Variants in KLF12 observed in about 807,000 individuals in gnomAD.
The protein encoded by KLF12 is Krueppel-like factor 12.
In KLF12, 9 loss-of-function variants were observed where a neutral mutation model predicts 37.8. The observed-to-expected ratio is 0.24, with a 90% CI of 0.14 to 0.42. The LOEUF is 0.42. KLF12 is among the 10% of genes least tolerant of loss of function. KLF12 has a pLI of 1.00. For missense variants in KLF12, 411 were observed against 516.0 expected, an observed-to-expected ratio of 0.80 and a Z score of 1.97; for synonymous variants, 208 against 202.1, an observed-to-expected ratio of 1.03 and a Z score of -0.25.
At chr13:74,142,067 TA>T in the KLF12 span, among the ~76,000 whole-genome samples, 3 of 152,262 alleles carry the variant, frequency 2.0e-5, no homozygotes, top group African/African-American at 4.8e-5. Context: ...TGATGTTTCT[TA>T]ACTATATTTT....
the KLF12 span, among the ~76,000 whole-genome samples, chr13:74,209,898 C>A: frequency 2.0e-5 from 3 of 152,164 alleles, no homozygotes; most frequent in Non-Finnish European, 4.4e-5. Flanking sequence ...AGATAAGAAT[C>A]AGGCTATAAA....
In KLF12 at chr13:73,876,070, T is replaced by G. The variant is rs562118209; in HGVS notation, c.124-29697A>C. On this transcript the variant is annotated intron_variant, in intron 3 of 7. Coordinates refer to ENST00000377669, the MANE Select transcript of KLF12 (RefSeq NM_007249.5). ...ATAAATTACTGCAAACATACTGACTTAAAACAAGACAATGTATTATTCTCA... is the reference window on the plus strand; with the variant it reads ...ATAAATTACTGCAAACATACTGACTGAAAACAAGACAATGTATTATTCTCA... 5.3e-5 allele frequency among the ~76,000 whole-genome samples: 8 copies of G among 152,112 alleles called. No individual in the cohort carries two copies. The South Asian group carries it at 1.4e-3, about 28-fold the overall frequency.
the KLF12 span, among the ~76,000 whole-genome samples, chr13:74,196,631 C>T: frequency 0.017 from 2,630 of 152,216 alleles, 61 homozygotes; most frequent in African/African-American, 0.057. Context: ...AGTTTCTGCT[C>T]CACTGGCTTC....
At chr13:73,909,156 G>A (rs894803487) in intron 3 of KLF12, among the ~76,000 whole-genome samples, 3 of 152,098 alleles carry the variant, frequency 2.0e-5, no homozygotes, top group African/African-American at 7.2e-5. Context: ...TCTTTTGAAG[G>A]TGCACCTAAA....
chr13:74,279,908 G>A, the KLF12 span, among the ~76,000 whole-genome samples: 3 of 152,232 alleles, frequency 2.0e-5, no homozygotes, highest in Admixed American at 2.0e-4. Context: ...ATGAGAGAAG[G>A]TGAAAGTCTC....
the KLF12 span, among the ~76,000 whole-genome samples, chr13:74,252,273 C>T: frequency 1.3e-5 from 2 of 152,234 alleles, no homozygotes; most frequent in Non-Finnish European, 2.9e-5. Context: ...CCAGCCAAGT[C>T]AGCTGACTTT....
chr13:74,093,944 T>G (rs1011671243), intron 1 of KLF12, among the ~76,000 whole-genome samples: 4 of 147,216 alleles, frequency 2.7e-5, no homozygotes, highest in African/African-American at 1.0e-4. Context: ...ATTTCAGAGT[T>G]CATTAGGAGT....
At chr13:74,085,696 ATC>A (rs1434413715) in intron 1 of KLF12, among the ~76,000 whole-genome samples, 1 of 152,152 alleles carries the variant, frequency 6.6e-6, no homozygotes, top group Non-Finnish European at 1.5e-5. Context: ...GCTCGCCACA[ATC>A]AACGGACAAC....
At position 73,814,611 on chromosome 13, in the gene KLF12, T is replaced by G. The variant is rs183383403; in HGVS notation, c.671-1324A>C. ...AAATATAAATATACCAAAACGTGCT[T>G]TGCACAATGGAAGTGTTTGGTAAAT... On this transcript the variant is annotated intron_variant, in intron 4 of 7. Coordinates refer to ENST00000377669, the MANE Select transcript of KLF12 (RefSeq NM_007249.5). Among the ~76,000 whole-genome samples, 189 of 152,318 alleles carry G rather than the reference T, an allele frequency of 1.2e-3. 1 individual carries two copies. The highest frequency in any genetic ancestry group is 4.4e-3 in the African/African-American group (185 of 41,578).
chr13:74,151,211 T>C, the KLF12 span, among the ~76,000 whole-genome samples: 1 of 152,226 alleles, frequency 6.6e-6, no homozygotes, highest in Non-Finnish European at 1.5e-5. Context: ...TTTTGAATGC[T>C]AGGTCTTGAG....
chr13:73,840,484 G>A (rs972470726), intron 4 of KLF12, among the ~76,000 whole-genome samples: 8 of 151,932 alleles, frequency 5.3e-5, no homozygotes, highest in South Asian at 4.2e-4. Flanking sequence ...AATTTAACAC[G>A]TCCCAAAGGG....
intron 1 of KLF12, among the ~76,000 whole-genome samples, chr13:74,035,440 T>G (rs2138507358): frequency 6.6e-6 from 1 of 152,312 alleles, no homozygotes; most frequent in East Asian, 1.9e-4. Flanking sequence ...TTATTTTTGA[T>G]CCCCATTGCA....
rs1887344425 is a variant in KLF12, at chr13:73,888,533, A to G, written c.124-42160T>C. Among the ~76,000 whole-genome samples, 3 of 152,198 alleles carry G rather than the reference A, an allele frequency of 2.0e-5. No individual in the cohort carries two copies. The South Asian group carries it at 6.2e-4, about 32-fold the overall frequency. ...CATAAAAACTTTTATCAGCAAAACA[A>G]TATATTTTCTTCATCTTTCATCTGT... On this transcript the variant is annotated intron_variant, in intron 3 of 7. Transcript: ENST00000377669.
intron 1 of KLF12, among the ~76,000 whole-genome samples, chr13:74,073,608 G>A (rs1436844077): frequency 6.6e-6 from 1 of 151,976 alleles, no homozygotes. Context: ...ATACCCAAAG[G>A]GTTACCAAAC....
At chr13:73,837,793 C>T (rs908979153) in intron 4 of KLF12, among the ~76,000 whole-genome samples, 4 of 152,166 alleles carry the variant, frequency 2.6e-5, no homozygotes, top group Non-Finnish European at 4.4e-5. Flanking sequence ...AAGAATTAAC[C>T]TATGGCTAGT....
chr13:73,959,676 A>C (rs1890959129), intron 2 of KLF12, among the ~76,000 whole-genome samples: 1 of 152,040 alleles, frequency 6.6e-6, no homozygotes, highest in African/African-American at 2.4e-5. Context: ...CTCATGTAAT[A>C]TATTTACATA....
intron 1 of KLF12, among the ~76,000 whole-genome samples, chr13:74,093,442 C>T (rs879697167): frequency 3.9e-5 from 6 of 152,048 alleles, no homozygotes; most frequent in Admixed American, 6.6e-5. Flanking sequence ...GTGAGCACAT[C>T]CACTCAAAAT....
At chr13:73,905,434 T>C (rs1195592301) in intron 3 of KLF12, among the ~76,000 whole-genome samples, 1 of 151,966 alleles carries the variant, frequency 6.6e-6, no homozygotes, top group African/African-American at 2.4e-5. Context: ...ACAATAACTT[T>C]ACAAATACAC....
the KLF12 span, among the ~76,000 whole-genome samples, chr13:74,212,615 T>C: frequency 1.3e-5 from 2 of 152,100 alleles, no homozygotes; most frequent in Non-Finnish European, 2.9e-5. Context: ...GCACCAACTA[T>C]GGGATGAAAG....
Sources: allele counts gnomAD v4.1 joint callset (sites outside exome capture counted in the v4.1 genomes callset), GRCh38; gene constraint gnomAD v4.1.1; transcripts MANE v1.5; gene names NCBI Gene and HGNC (gene_info 2026-07-23, HGNC 2026-07-21).